The following NT5DC3 variants were observed in gnomAD, a reference collection of about 807,000 sequenced individuals.
NT5DC3 encodes the protein 5'-nucleotidase domain containing 3.
NT5DC3 carries 42 observed loss-of-function variants against 67.8 expected under a neutral mutation model. The ratio of observed to expected loss-of-function variants is 0.62; its 90% confidence interval spans 0.48 to 0.80. The LOEUF (loss-of-function observed/expected upper bound fraction) is 0.80, where lower values mean the gene tolerates loss of function less well. NT5DC3 is among the 30% of genes least tolerant of loss of function. The probability of loss-of-function intolerance (pLI) is 0.00; values close to 1 mark genes in which losing one functional copy is unlikely to be tolerated. For synonymous variants in NT5DC3, 237 were observed against 255.6 expected, an observed-to-expected ratio of 0.93 and a Z score of 0.69; for missense variants, 570 against 696.4, an observed-to-expected ratio of 0.82 and a Z score of 2.04.
chr12:103,786,528 T>TCA (rs1480922619), intron 11 of NT5DC3, among the ~76,000 whole-genome samples: 1 of 50,992 alleles, frequency 2.0e-5, no homozygotes, highest in African/African-American at 1.1e-4. Context: ...AGGCTTTTAC[T>TCA]CAGAGAGAAA....
intron 4 of NT5DC3, among the ~76,000 whole-genome samples, chr12:103,801,309 T>C (rs574565403): frequency 1.6e-3 from 245 of 151,336 alleles, no homozygotes; most frequent in African/African-American, 5.7e-3. Context: ...CATTTCTGCA[T>C]GCCCAGGATC....
At chr12:103,750,493 G>C in the NT5DC3 span, 1 of 1,553,994 alleles carries the variant, frequency 6.4e-7, no homozygotes, top group Non-Finnish European at 8.8e-7. Context: ...ACACCTCCTA[G>C]GCTGGACATT....
Position 103,841,059 on chromosome 12 carries a change from C to G in NT5DC3, c.98G>C (p.Gly33Ala). Reference protein sequence around the residue: ...LRGGCGTAARGRPCAGPARPL... With the variant: ...LRGGCGTAARARPCAGPARPL... ...CCGGGCGGGGCCCGCACACGGCCGCCCCCGAGCCGCGGTCCCGCAGCCACC... is the reference window on the plus strand; with the variant it reads ...CCGGGCGGGGCCCGCACACGGCCGCGCCCGAGCCGCGGTCCCGCAGCCACC... The change falls in exon 1 of 14, where the codon GGG becomes GCG. Residue 33 changes from glycine to alanine, a missense_variant. Physicochemically the swap from Gly to Ala is moderately conservative, Grantham distance 60. Coordinates refer to ENST00000392876, the MANE Select transcript of NT5DC3 (RefSeq NM_001031701.3). 7.9e-7 allele frequency: 1 copy of G among 1,265,304 alleles called. No homozygotes were observed. 78.4% of individuals were successfully genotyped at this position (1,265,304 alleles called of 1,614,324 possible).
At chr12:103,788,130 T>A (rs1173876438) in intron 10 of NT5DC3, among the ~76,000 whole-genome samples, 1 of 152,206 alleles carries the variant, frequency 6.6e-6, no homozygotes, top group Non-Finnish European at 1.5e-5. Context: ...AAGCCTCATA[T>A]GACACCAAAA....
chr12:103,766,603 G>GTAAC (rs1368222141), downstream of NT5DC3: 2 of 425,030 alleles, frequency 4.7e-6, no homozygotes, highest in Non-Finnish European at 8.5e-6. Context: ...TACATGATGG[G>GTAAC]TAACTGTGAT....
At chr12:103,794,262 G>A (rs753721496) in intron 6 of NT5DC3, among the ~76,000 whole-genome samples, 1 of 151,198 alleles carries the variant, frequency 6.6e-6, no homozygotes, top group Non-Finnish European at 1.5e-5. Context: ...TGATTCTTCT[G>A]CCTCAGCCTC....
chr12:103,819,261 C>T (rs1887392085), intron 1 of NT5DC3, among the ~76,000 whole-genome samples: 1 of 152,234 alleles, frequency 6.6e-6, no homozygotes, highest in South Asian at 2.1e-4. Flanking sequence ...ATCTTGGCAC[C>T]CCGTGCAAAC....
At chr12:103,803,044 T>C (rs1331862600) in intron 4 of NT5DC3, among the ~76,000 whole-genome samples, 1 of 152,078 alleles carries the variant, frequency 6.6e-6, no homozygotes, top group Non-Finnish European at 1.5e-5. Context: ...GGTAAGTGTC[T>C]ATGGAGGGGG....
the NT5DC3 span, chr12:103,753,476 G>A: frequency 1.5e-5 from 20 of 1,326,820 alleles, no homozygotes; most frequent in Non-Finnish European, 2.0e-5. Flanking sequence ...GTAGCTCCTG[G>A]AACAATGCTA....
Position 103,841,131 on chromosome 12 carries a change from A to T in NT5DC3, c.26T>A (p.Val9Glu). The change falls in exon 1 of 14, where the codon GTG (valine) becomes GAG (glutamate). Residue 9 changes from valine (V) to glutamate (E), a missense_variant. By Grantham distance (121) the Val-to-Glu change is moderately radical. Around this residue, in one of 2 missense-constraint regions of NT5DC3, gnomAD observed 104 missense variants for 88.4 expected, o/e 1.18. Transcript: ENST00000392876. ...TGCCCTCGCCCCGGCCCCGCGTGCC[A>T]CCACCGCCGCCGCTGCCATGGTCAT... Reference protein sequence around the residue: MTMAAAAVVARGAGARAAT... With the variant: MTMAAAAVEARGAGARAAT... 1.1e-6 allele frequency: 1 copy of T among 892,530 alleles called. No individual in the cohort carries two copies. Among genetic ancestry groups the T allele is most frequent in the Non-Finnish European group, 1.5e-6 (1 of 659,496 alleles). The allele number at this position is 892,530 out of a possible 1,614,324, so 55.3% of individuals were successfully genotyped here.
chr12:103,771,873 C>A (rs998160602), downstream of NT5DC3, among the ~76,000 whole-genome samples: 1 of 152,276 alleles, frequency 6.6e-6, no homozygotes, highest in African/African-American at 2.4e-5. Context: ...TCTTAGATGA[C>A]ATGCCAAGTT....
the NT5DC3 span, among the ~76,000 whole-genome samples, chr12:103,752,882 A>C: frequency 6.6e-6 from 1 of 152,368 alleles, no homozygotes; most frequent in South Asian, 2.1e-4. Flanking sequence ...CAAATTAAAA[A>C]TTTACCAAAA....
chr12:103,787,115 A>G (rs1389218872), intron 11 of NT5DC3, among the ~76,000 whole-genome samples: 10 of 152,198 alleles, frequency 6.6e-5, no homozygotes, highest in Non-Finnish European at 1.2e-4. Context: ...TTTTTGATGC[A>G]TCGATGAAAG....
intron 1 of NT5DC3, chr12:103,822,097 G>A (rs749781314): frequency 1.3e-5 from 2 of 151,772 alleles, no homozygotes; most frequent in Non-Finnish European, 1.5e-5. Context: ...AGAAACATGC[G>A]AGTCAGAGTT....
chr12:103,769,631 A>AC (rs1041495190), downstream of NT5DC3, among the ~76,000 whole-genome samples: 11 of 152,212 alleles, frequency 7.2e-5, no homozygotes, highest in Non-Finnish European at 1.5e-4. Context: ...CAGCTGGTGG[A>AC]CCCAGGATGC....
chr12:103,757,509 C>CT, the NT5DC3 span, among the ~76,000 whole-genome samples: 1 of 152,232 alleles, frequency 6.6e-6, no homozygotes, highest in African/African-American at 2.4e-5. Context: ...GATCCAGATC[C>CT]TATGGAAAAA....
chr12:103,782,832 C>T (rs111232031), intron 12 of NT5DC3, among the ~76,000 whole-genome samples: 5,720 of 152,186 alleles, frequency 0.038, 319 homozygotes, highest in African/African-American at 0.13. Context: ...ACTAAAAATA[C>T]AAAATTAGCT....
downstream of NT5DC3, chr12:103,766,239 C>A (rs775132195): frequency 3.1e-6 from 5 of 1,612,608 alleles, no homozygotes; most frequent in Non-Finnish European, 4.2e-6. Flanking sequence ...TCAACTAGGA[C>A]TCAACACACA....
At chr12:103,764,682 C>T in the NT5DC3 span, among the ~76,000 whole-genome samples, 1 of 152,134 alleles carries the variant, frequency 6.6e-6, no homozygotes, top group Non-Finnish European at 1.5e-5. Flanking sequence ...AGGTAAATAT[C>T]TTGTGGTTCT....
Sources: gnomAD v4.1 joint callset for allele counts (sites outside exome capture counted in the v4.1 genomes callset) on GRCh38, gnomAD v4.1.1 for gene constraint, gnomAD v4.1.1 regional missense constraint, MANE v1.5 for transcripts, NCBI Gene and HGNC (gene_info 2026-07-23, HGNC 2026-07-21) for gene names.